Variants in LHFPL6 observed in about 807,000 individuals in gnomAD.
LHFPL6 encodes LHFPL tetraspan subfamily member 6, also known as LHFPL tetraspan subfamily member 6 protein.
A neutral mutation model predicts 20.6 loss-of-function variants in LHFPL6; 9 were observed. The observed-to-expected ratio is 0.44, with a 90% CI of 0.26 to 0.76. LHFPL6 has a LOEUF of 0.76. LHFPL6 is among the 30% of genes least tolerant of loss of function. LHFPL6 has a pLI of 0.20. For missense variants in LHFPL6, 218 were observed against 253.5 expected (o/e 0.86, Z 0.95); for synonymous variants, 105 against 98.7 (o/e 1.06, Z -0.38).
chr13:39,554,211 C>T (rs1327656515), intron 2 of LHFPL6, among the ~76,000 whole-genome samples: 1 of 152,172 alleles, frequency 6.6e-6, no homozygotes, highest in Non-Finnish European at 1.5e-5. Flanking sequence ...CTTAATCTGG[C>T]AGCTTCTATA....
At chr13:39,438,854 T>G (rs576762402) in intron 2 of LHFPL6, among the ~76,000 whole-genome samples, 1 of 152,166 alleles carries the variant, frequency 6.6e-6, no homozygotes, top group Non-Finnish European at 1.5e-5. Flanking sequence ...TACCTAGATT[T>G]CAGAGGATGT....
At chr13:39,362,061 TAC>T (rs1363684977) in intron 3 of LHFPL6, among the ~76,000 whole-genome samples, 2 of 152,202 alleles carry the variant, frequency 1.3e-5, no homozygotes, top group Admixed American at 1.3e-4. Flanking sequence ...AAATCAAAAT[TAC>T]ACAAATATAA....
chr13:39,400,465 G>A (rs947955659), intron 2 of LHFPL6, among the ~76,000 whole-genome samples: 28 of 152,168 alleles, frequency 1.8e-4, no homozygotes, highest in African/African-American at 6.5e-4. Context: ...TAGACAGAAT[G>A]GTTTTCAGAC....
chr13:39,443,545 A>G (rs1444339147), intron 2 of LHFPL6, among the ~76,000 whole-genome samples: 2 of 151,982 alleles, frequency 1.3e-5, no homozygotes, highest in Non-Finnish European at 2.9e-5. Context: ...CTGTGAATGG[A>G]GTGGTAAGGG....
In LHFPL6 at chr13:39,385,135, C is replaced by A. The variant is rs1870533196; in HGVS notation, c.386-6609G>T. ...TCTACCAGCACTTTGCTGCAATCAG[C>A]AATCTAGAGGCAAAAGGCCATGGGG... is the stretch of plus-strand genomic sequence containing the variant. On this transcript the variant is annotated intron_variant, in intron 2 of 3. Coordinates refer to ENST00000379589, the MANE Select transcript of LHFPL6 (RefSeq NM_005780.3). 2.6e-5 allele frequency among the ~76,000 whole-genome samples: 4 copies of A among 152,160 alleles called. 1 individual carries two copies. The South Asian group carries it at 8.3e-4, about 32-fold the overall frequency.
intron 2 of LHFPL6, among the ~76,000 whole-genome samples, chr13:39,544,338 G>A (rs1870905468): frequency 6.6e-6 from 1 of 152,174 alleles, no homozygotes; most frequent in African/African-American, 2.4e-5. Context: ...CAGGAAATTA[G>A]CTCATTTGAC....
intron 2 of LHFPL6, among the ~76,000 whole-genome samples, chr13:39,383,177 C>T (rs1160539654): frequency 6.6e-6 from 1 of 152,128 alleles, no homozygotes; most frequent in African/African-American, 2.4e-5. Context: ...GTGACCTGCC[C>T]CCCTGCCCAA....
chr13:39,434,985 A>G (rs1871915848), intron 2 of LHFPL6, among the ~76,000 whole-genome samples: 1 of 133,002 alleles, frequency 7.5e-6, no homozygotes. Context: ...GAACCCAGGA[A>G]GTGGAGCTTG....
At chr13:39,570,130 A>C (rs1420861755) in intron 2 of LHFPL6, among the ~76,000 whole-genome samples, 1 of 152,094 alleles carries the variant, frequency 6.6e-6, no homozygotes, top group Non-Finnish European at 1.5e-5. Context: ...TACTCTTTTT[A>C]AATTTATTTT....
intron 2 of LHFPL6, among the ~76,000 whole-genome samples, chr13:39,455,916 A>G (rs1872559081): frequency 6.6e-6 from 1 of 152,244 alleles, no homozygotes; most frequent in African/African-American, 2.4e-5. Flanking sequence ...ATGAATACGG[A>G]AACACATACA....
intron 2 of LHFPL6, among the ~76,000 whole-genome samples, chr13:39,473,005 A>C (rs1872988559): frequency 6.6e-6 from 1 of 152,114 alleles, no homozygotes; most frequent in African/African-American, 2.4e-5. Flanking sequence ...ATAATTTTGC[A>C]CTGTGAGTGG....
At chr13:39,389,757 T>C (rs1870657004) in intron 2 of LHFPL6, among the ~76,000 whole-genome samples, 1 of 152,166 alleles carries the variant, frequency 6.6e-6, no homozygotes, top group Non-Finnish European at 1.5e-5. Flanking sequence ...AAGCAAACTA[T>C]TTGAGGGAAA....
chr13:39,476,720 A>G (rs1002896143), intron 2 of LHFPL6, among the ~76,000 whole-genome samples: 9 of 152,346 alleles, frequency 5.9e-5, no homozygotes, highest in South Asian at 4.1e-4. Flanking sequence ...TCTGTAAACC[A>G]TATTTACCAA....
At chr13:39,562,535 TATAC>T (rs1871549831) in intron 2 of LHFPL6, among the ~76,000 whole-genome samples, 2 of 136,550 alleles carry the variant, frequency 1.5e-5, no homozygotes, top group South Asian at 2.1e-4. Flanking sequence ...TATACACATA[TATAC>T]ACATATACAT....
chr13:39,382,402 G>GTTGTT (rs1870465700), intron 2 of LHFPL6, among the ~76,000 whole-genome samples: 2 of 152,120 alleles, frequency 1.3e-5, no homozygotes, highest in South Asian at 4.2e-4. Context: ...TGTTTGTTTG[G>GTTGTT]TTGTTTTGTT....
chr13:39,583,532 C>G (rs917033955), intron 2 of LHFPL6, among the ~76,000 whole-genome samples: 1 of 152,108 alleles, frequency 6.6e-6, no homozygotes, highest in African/African-American at 2.4e-5. Context: ...CCAGTGTTAA[C>G]TTACACATTC....
chr13:39,552,023 C>T (rs889150452), intron 2 of LHFPL6, among the ~76,000 whole-genome samples: 2 of 152,144 alleles, frequency 1.3e-5, no homozygotes, highest in African/African-American at 2.4e-5. Context: ...ATACTGCTGG[C>T]CTATTCTTTT....
intron 2 of LHFPL6, among the ~76,000 whole-genome samples, chr13:39,549,302 A>G (rs186558313): frequency 6.6e-6 from 1 of 152,288 alleles, no homozygotes; most frequent in East Asian, 1.9e-4. Flanking sequence ...ATATGCAAAG[A>G]AAACAAAACA....
intron 2 of LHFPL6, among the ~76,000 whole-genome samples, chr13:39,502,448 G>A (rs1354620285): frequency 7.8e-6 from 1 of 127,974 alleles, no homozygotes; most frequent in Non-Finnish European, 1.6e-5. Flanking sequence ...GTGAGACTCC[G>A]TCTCTACAAA....
Sources: gnomAD v4.1 joint callset for allele counts (sites outside exome capture counted in the v4.1 genomes callset) on GRCh38, gnomAD v4.1.1 for gene constraint, MANE v1.5 for transcripts, NCBI Gene and HGNC (gene_info 2026-07-23, HGNC 2026-07-21) for gene names.